ASH2L: variants seen among roughly 807,000 people sequenced by gnomAD.
The protein encoded by ASH2L is set1/Ash2 histone methyltransferase complex subunit ASH2.
A neutral mutation model predicts 81.1 loss-of-function variants in ASH2L; 30 were observed. The observed-to-expected ratio is 0.37, with a 90% confidence interval of 0.28 to 0.50. The LOEUF (loss-of-function observed/expected upper bound fraction) is 0.50. Among genes scored for constraint, ASH2L ranks in the 20% least tolerant of loss-of-function variants. The pLI is 0.95. For synonymous variants in ASH2L, 273 were observed against 279.9 expected (o/e 0.98, Z 0.24); for missense variants, 559 against 792.1 (o/e 0.71, Z 3.53).
intron 2 of ASH2L, 113 bp from the exon 3 acceptor site, chr8:38,106,908 A>G: frequency 7.7e-7 from 1 of 1,301,300 alleles, no homozygotes; most frequent in Middle Eastern, 2.7e-4. Context: ...AGACCTCAGG[A>G]TCACTTGAGA....
In ASH2L at chr8:38,105,539, G is replaced by A. The variant is rs754140537; in HGVS notation, c.-12G>A. On this transcript the variant is annotated 5_prime_UTR_variant, in exon 1 of 16. Transcript: ENST00000343823. The stretch of plus-strand genomic sequence containing the variant: ...AGAGAGTATTCTCGCGAGAAGTCCA[G>A]GGGTGGCCGTGATGGCGGCGGCAGG... The A allele has an allele frequency of 1.2e-5, 19 of 1,553,466 alleles. No homozygotes were observed. Among genetic ancestry groups the A allele is most frequent in the African/African-American group, 6.9e-5 (5 of 72,506 alleles).
In ASH2L at chr8:38,106,059, G is replaced by A. The variant is rs774381969; in HGVS notation, c.189-319G>A. 9.2e-6 allele frequency: 14 copies of A among 1,525,216 alleles called. No homozygotes were observed. The East Asian group carries it at 1.0e-4, about 11-fold the overall frequency. The allele number at this position is 1,525,216 out of a possible 1,614,324, so 94.5% of individuals were successfully genotyped here. ...AGAAACCACTTTGCAGTGCCAGACT[G>A]GAAGAAGTAACGGTCACTCTGAAAA... is the stretch of plus-strand genomic sequence containing the variant. On this transcript the variant is annotated intron_variant, in intron 1 of 15. Transcript: ENST00000343823.
intron 13 of ASH2L, 107 bp from the exon 14 acceptor site, chr8:38,135,561 G>GAC: frequency 1.4e-6 from 1 of 720,216 alleles, no homozygotes; most frequent in Non-Finnish European, 2.3e-6. Context: ...TCTTGGGTGA[G>GAC]TGACTAGCAG....
At chr8:38,137,014 A>G (rs1245977222) in intron 14 of ASH2L, among the ~76,000 whole-genome samples, 2 of 150,472 alleles carry the variant, frequency 1.3e-5, no homozygotes, top group Non-Finnish European at 3.0e-5. Context: ...AATCACTTGA[A>G]CCCGGGAGAT....
intron 4 of ASH2L, 25 bp from the exon 5 acceptor site, chr8:38,110,712 CTG>C (rs765719379): frequency 6.4e-7 from 1 of 1,571,438 alleles, no homozygotes; most frequent in South Asian, 1.1e-5. Context: ...CTACAGATAA[CTG>C]TTTCTTCCTT....
intron 1 of ASH2L, 41 bp downstream of exon 1, chr8:38,105,779 C>T: frequency 1.3e-6 from 2 of 1,497,910 alleles, no homozygotes; most frequent in Middle Eastern, 5.1e-4. Context: ...GGGAGGGAGG[C>T]CCGCCCCTCG....
chr8:38,114,050 C>A (rs1810794851), intron 5 of ASH2L, 142 bp from the exon 6 acceptor site: 2 of 554,758 alleles, frequency 3.6e-6, no homozygotes, highest in Admixed American at 3.6e-5. Context: ...AACATGTAAA[C>A]CTTGTATAAC....
At chr8:38,125,842 A>G (rs1467944947) in intron 10 of ASH2L, among the ~76,000 whole-genome samples, 5 of 152,202 alleles carry the variant, frequency 3.3e-5, no homozygotes, top group Non-Finnish European at 5.9e-5. Context: ...TATATGATGC[A>G]CTGAGGGGCA....
At chr8:38,106,227 C>G in intron 1 of ASH2L, 151 bp from the exon 2 acceptor site, 2 of 1,394,756 alleles carry the variant, frequency 1.4e-6, no homozygotes, top group Non-Finnish European at 2.0e-6. Flanking sequence ...AGTATCCTGA[C>G]AGTACCTTGG....
intron 10 of ASH2L, among the ~76,000 whole-genome samples, chr8:38,122,950 T>C (rs1801693467): frequency 1.3e-5 from 2 of 151,830 alleles, no homozygotes; most frequent in African/African-American, 4.8e-5. Context: ...GGTCTTACTA[T>C]GTTGCCTAGG....
In ASH2L at chr8:38,110,788, C is replaced by T; in HGVS notation, c.540C>T (p.Ser180=). ...LSALANLTWQ[S]RTQDEHPKTM... ...CTTTGGCCAACCTGACATGGCAGTC[C>T]CGAACACAGGATGAACATCCGAAGA... The change falls in exon 5 of 16, where the codon TCC becomes TCT. Residue 180 remains serine, a synonymous_variant. Coordinates refer to ENST00000343823, the MANE Select transcript of ASH2L (RefSeq NM_004674.5). 1 of 1,613,924 alleles carries T rather than the reference C, an allele frequency of 6.2e-7. No individual in the cohort carries two copies. Among genetic ancestry groups the T allele is most frequent in the South Asian group, 1.1e-5 (1 of 90,980 alleles).
At chr8:38,127,312 C>A (rs1380971773) in intron 10 of ASH2L, among the ~76,000 whole-genome samples, 5 of 148,976 alleles carry the variant, frequency 3.4e-5, no homozygotes, top group East Asian at 3.9e-4. Flanking sequence ...GAGAGCAAGA[C>A]CCTGGCTCTT....
intron 9 of ASH2L, 23 bp downstream of exon 9, chr8:38,119,386 C>G (rs1042885062): frequency 2.7e-5 from 40 of 1,485,166 alleles, no homozygotes; most frequent in Non-Finnish European, 3.6e-5. Context: ...CCCACCCTGC[C>G]CCCCTCACTA....
rs182550348 is a variant in ASH2L at position 38,111,091 on chromosome 8, C to T, written c.585+258C>T. ...CTGGGATTACAGGCATGCGCCACCACGCCCAGCTAATTTTTTGTATTTTTA... is the reference window on the plus strand; with the variant it reads ...CTGGGATTACAGGCATGCGCCACCATGCCCAGCTAATTTTTTGTATTTTTA... On this transcript the variant is annotated intron_variant, in intron 5 of 15. Transcript: ENST00000343823. 2.0e-3 allele frequency among the ~76,000 whole-genome samples: 312 copies of T among 152,274 alleles called. 2 individuals carry two copies. Among genetic ancestry groups the T allele is most frequent in the Non-Finnish European group, 3.1e-3 (213 of 68,010 alleles).
chr8:38,132,275 G>A (rs1423534159), intron 12 of ASH2L, among the ~76,000 whole-genome samples: 4 of 152,128 alleles, frequency 2.6e-5, no homozygotes, highest in Non-Finnish European at 4.4e-5. Flanking sequence ...AGAGACTCTC[G>A]TTTTATATGC....
At chr8:38,123,535 C>G (rs542639107) in intron 10 of ASH2L, among the ~76,000 whole-genome samples, 1 of 152,184 alleles carries the variant, frequency 6.6e-6, no homozygotes, top group Non-Finnish European at 1.5e-5. Context: ...TTTAGTGGGT[C>G]ATGTCCAGTT....
At chr8:38,120,851 C>T in intron 9 of ASH2L, 81 bp from the exon 10 acceptor site, 1 of 1,170,618 alleles carries the variant, frequency 8.5e-7, no homozygotes, top group East Asian at 2.3e-5. Flanking sequence ...TGAAATAAAC[C>T]AGAGGCCTTT....
intron 3 of ASH2L, among the ~76,000 whole-genome samples, chr8:38,108,358 A>G (rs1810540461): frequency 6.6e-6 from 1 of 152,222 alleles, no homozygotes; most frequent in African/African-American, 2.4e-5. Context: ...TTGGATAGAC[A>G]GTTTAGGAAA....
chr8:38,106,271 G>A, intron 1 of ASH2L, 107 bp from the exon 2 acceptor site: 2 of 1,383,308 alleles, frequency 1.4e-6, no homozygotes, highest in Non-Finnish European at 2.1e-6. Context: ...AGCTGAAAAA[G>A]CTGCAGGAGT....
Sources: gnomAD v4.1 joint callset for allele counts (sites outside exome capture counted in the v4.1 genomes callset) on GRCh38, gnomAD v4.1.1 for gene constraint, MANE v1.5 for transcripts, NCBI Gene and HGNC (gene_info 2026-07-23, HGNC 2026-07-21) for gene names.